Variants in AXL observed in about 807,000 individuals in gnomAD.
The protein encoded by AXL is AXL receptor tyrosine kinase.
Under a neutral mutation model 104.5 loss-of-function variants are expected in AXL, and 52 were observed. The observed-to-expected ratio is 0.50, with a 90% CI of 0.40 to 0.63. The LOEUF (loss-of-function observed/expected upper bound fraction) is 0.63. AXL is among the 20% of genes least tolerant of loss of function. The probability of loss-of-function intolerance (pLI) is 0.00; values close to 1 mark genes in which losing one functional copy is unlikely to be tolerated. For missense variants in AXL, 1,024 were observed against 1,188.5 expected (o/e 0.86, Z 2.04); for synonymous variants, 455 against 473.7 (o/e 0.96, Z 0.51).
At chr19:41,230,193 TTA>T (rs1309021532) in intron 4 of AXL, among the ~76,000 whole-genome samples, 1 of 149,580 alleles carries the variant, frequency 6.7e-6, no homozygotes, top group African/African-American at 2.5e-5. Flanking sequence ...GCATATGTGT[TTA>T]TATGTGTGTG....
rs2122255998 is a variant in AXL at position 41,245,657 on chromosome 19, T to C, written c.1537+1950T>C. 2.1e-5 allele frequency among the ~76,000 whole-genome samples: 3 copies of C among 143,302 alleles called. No individual in the cohort carries two copies. The Admixed American group carries it at 2.3e-4, about 11-fold the overall frequency. 94.0% of individuals were successfully genotyped at this position (143,302 alleles called of 152,430 possible). On this transcript the variant is annotated intron_variant, in intron 12 of 19. Transcript: ENST00000301178. ...TGAACCTGGGAGGCGGAGGTTGCAG[T>C]GAGCCGAGATCGTGCCACTGCACTT...
chr19:41,243,939 C>T (rs2034227863), intron 12 of AXL: 1 of 476,258 alleles, frequency 2.1e-6, no homozygotes, highest in Non-Finnish European at 3.8e-6. Context: ...GGTGTGGTGG[C>T]TCATGCCTGT....
At position 41,234,753 on chromosome 19, in the gene AXL, G is replaced by A. The variant is rs113081791; in HGVS notation, c.784-3191G>A. ...CAAACAACATCCAACACAGGACTTA[G>A]ATCCAAGGAATCTGGCTTTAGAGCC... On this transcript the variant is annotated intron_variant, in intron 6 of 19. Transcript: ENST00000301178. 2.0e-3 allele frequency among the ~76,000 whole-genome samples: 311 copies of A among 152,282 alleles called. 1 individual carries two copies. Among genetic ancestry groups the A allele is most frequent in the African/African-American group, 7.3e-3 (305 of 41,554 alleles).
chr19:41,231,123 G>A, intron 5 of AXL, 60 bp from the exon 6 acceptor site: 19 of 1,611,152 alleles, frequency 1.2e-5, no homozygotes, highest in Non-Finnish European at 1.6e-5. Flanking sequence ...GGGGCAGAGA[G>A]CAGGGTAGGG....
In AXL at chr19:41,259,923, A is replaced by G; in HGVS notation, c.*19A>G. On this transcript the variant is annotated 3_prime_UTR_variant, in exon 20 of 20. Transcript: ENST00000301178. ...TGCCTGAGACAACCCTCCACCTGGT[A>G]CTCCCTCTCAGGATCCAAGCTAAGC... The G allele has an allele frequency of 6.5e-7, 1 of 1,528,958 alleles. No homozygotes were observed. The highest frequency in any genetic ancestry group is 8.8e-7 in the Non-Finnish European group (1 of 1,135,506). 94.7% of individuals were successfully genotyped at this position (1,528,958 alleles called of 1,614,324 possible).
intron 10 of AXL, among the ~76,000 whole-genome samples, chr19:41,240,667 C>T (rs1035441305): frequency 5.3e-5 from 8 of 152,082 alleles, no homozygotes; most frequent in African/African-American, 1.2e-4. Context: ...ACGCTTTCCA[C>T]GCTTATTCCA....
At chr19:41,257,405 C>T in intron 18 of AXL, 88 bp from the exon 19 acceptor site, 3 of 1,545,460 alleles carry the variant, frequency 1.9e-6, no homozygotes, top group Non-Finnish European at 2.7e-6. Context: ...AACATGTGTA[C>T]ATAAGTGTGG....
chr19:41,230,693 G>A (rs2033969907), intron 4 of AXL, among the ~76,000 whole-genome samples: 1 of 151,618 alleles, frequency 6.6e-6, no homozygotes, highest in Non-Finnish European at 1.5e-5. Flanking sequence ...GTGTGTGCCT[G>A]TGCCTGTGCC....
At chr19:41,229,010 C>T (rs191295443) in intron 4 of AXL, among the ~76,000 whole-genome samples, 128 of 150,860 alleles carry the variant, frequency 8.5e-4, no homozygotes, top group African/African-American at 3.0e-3. Context: ...AGTGCAATGG[C>T]GTGATCTCAG....
In AXL at chr19:41,260,734, G is replaced by C. The variant is rs938135893; in HGVS notation, c.*830G>C. On this transcript the variant is annotated 3_prime_UTR_variant, in exon 20 of 20. Transcript: ENST00000301178. Reference sequence around the variant, plus strand: ...CTAAGATTCTGATTTTAGGAGCTAAGGCTCTATGAGTCTAGATGTTTATTC... The same window carrying C: ...CTAAGATTCTGATTTTAGGAGCTAACGCTCTATGAGTCTAGATGTTTATTC... 2.0e-5 allele frequency: 3 copies of C among 152,154 alleles called. No individual in the cohort carries two copies. Among genetic ancestry groups the C allele is most frequent in the African/African-American group, 7.2e-5 (3 of 41,432 alleles). 9.4% of individuals were successfully genotyped at this position (152,154 alleles called of 1,614,324 possible). A position where few individuals can be genotyped will look rare whatever the true frequency, so the allele number is the denominator to read the frequency against.
At chr19:41,236,331 TAAA>T (rs36010942) in intron 6 of AXL, among the ~76,000 whole-genome samples, 3 of 102,088 alleles carry the variant, frequency 2.9e-5, no homozygotes, top group Non-Finnish European at 6.0e-5. Context: ...AGACTCTGTC[TAAA>T]AAAAAAAAAA....
chr19:41,258,662 C>T (rs529428769), intron 19 of AXL, among the ~76,000 whole-genome samples: 3 of 152,316 alleles, frequency 2.0e-5, no homozygotes, highest in South Asian at 2.1e-4. Context: ...ATGATCCACC[C>T]GTCCCAGCCT....
At chr19:41,242,177 C>G (rs1436741600) in intron 10 of AXL, among the ~76,000 whole-genome samples, 4 of 152,092 alleles carry the variant, frequency 2.6e-5, no homozygotes, top group Non-Finnish European at 4.4e-5. Flanking sequence ...TTCCACTCTT[C>G]TGTTTTTTTG....
chr19:41,223,093 G>A (rs1663899673), intron 4 of AXL, among the ~76,000 whole-genome samples: 1 of 151,400 alleles, frequency 6.6e-6, no homozygotes, highest in Non-Finnish European at 1.5e-5. Flanking sequence ...CTGGGAGTTC[G>A]AGACCAGCCT....
intron 4 of AXL, among the ~76,000 whole-genome samples, chr19:41,225,778 C>A (rs1037377886): frequency 6.6e-6 from 1 of 152,090 alleles, no homozygotes. Flanking sequence ...ACTTACCAAG[C>A]GCTGCGTCTT....
chr19:41,232,607 G>A (rs779323357), intron 6 of AXL, among the ~76,000 whole-genome samples: 4 of 150,700 alleles, frequency 2.7e-5, no homozygotes, highest in South Asian at 2.1e-4. Flanking sequence ...TGGGTAACAC[G>A]AGCGAACTTC....
intron 14 of AXL, among the ~76,000 whole-genome samples, chr19:41,250,624 G>T (rs866557649): frequency 6.6e-6 from 1 of 152,086 alleles, no homozygotes; most frequent in African/African-American, 2.4e-5. Flanking sequence ...TGTGTTTTTA[G>T]TAGAGACGGG....
intron 12 of AXL, among the ~76,000 whole-genome samples, chr19:41,245,639 G>A (rs150486058): frequency 0.031 from 4,713 of 151,776 alleles, 254 homozygotes; most frequent in African/African-American, 0.11. Flanking sequence ...TCTTGAACCT[G>A]GGAGGCGGAG....
At chr19:41,225,150 C>T (rs948973459) in intron 4 of AXL, among the ~76,000 whole-genome samples, 1 of 152,166 alleles carries the variant, frequency 6.6e-6, no homozygotes, top group Non-Finnish European at 1.5e-5. Flanking sequence ...ATTACAGGCA[C>T]GCCTGGCTTA....
Sources: allele counts gnomAD v4.1 joint callset (sites outside exome capture counted in the v4.1 genomes callset), GRCh38; gene constraint gnomAD v4.1.1; transcripts MANE v1.5; gene names NCBI Gene and HGNC (gene_info 2026-07-23, HGNC 2026-07-21).